The following TNK1 variants were observed in gnomAD, a reference collection of about 807,000 sequenced individuals.
The protein encoded by TNK1 is tyrosine kinase non receptor 1.
In TNK1, 53 loss-of-function variants were observed where a neutral mutation model predicts 65.2. The ratio of observed to expected loss-of-function variants is 0.81; its 90% CI spans 0.65 to 1.02. The LOEUF is 1.02. TNK1 is among the 50% of genes least tolerant of loss of function. The pLI is 0.00. For synonymous variants in TNK1, 353 were observed against 364.6 expected (o/e 0.97, Z 0.36); for missense variants, 837 against 878.4 (o/e 0.95, Z 0.60).
At chr17:7,384,430 TG>T (rs1164348912) in intron 6 of TNK1, 53 bp from the exon 7 acceptor site, 35 of 1,464,254 alleles carry the variant, frequency 2.4e-5, no homozygotes, top group Non-Finnish European at 3.0e-5. Context: ...CCGTGGAGGG[TG>T]GGCCTCCAAG....
chr17:7,382,919 C>T lies in TNK1; in HGVS notation c.-8C>T. 1 of 1,613,728 alleles carries T rather than the reference C, an allele frequency of 6.2e-7. No individual in the cohort carries two copies. The highest frequency in any genetic ancestry group is 8.5e-7 in the Non-Finnish European group (1 of 1,179,706). ...GTGCCATCATCCTTAGGAACTCCTTCTCCAGACATGCTTCCTGAGGCTGGC... is the reference window on the plus strand; with the variant it reads ...GTGCCATCATCCTTAGGAACTCCTTTTCCAGACATGCTTCCTGAGGCTGGC... On this transcript the variant is annotated 5_prime_UTR_variant, in exon 2 of 13. Transcript: ENST00000688331. This position sits in a 1 kb window ranked among gnomAD's most constrained non-coding sequence, Gnocchi z 4.1.
rs1281027586 is a variant in TNK1 at position 7,388,286 on chromosome 17, G to A, written c.1478-120G>A. The A allele has an allele frequency of 1.3e-5, 13 of 1,036,484 alleles. No individual in the cohort carries two copies. The highest frequency in any genetic ancestry group is 3.3e-5 in the South Asian group (2 of 60,586). 64.2% of individuals were successfully genotyped at this position (1,036,484 alleles called of 1,614,324 possible). ...ACAAAAATACAAAAATTAGCCAGTC[G>A]TAATGGCAGGCACCTATAGTCCCAG... On this transcript the variant is annotated intron_variant, in intron 10 of 12. Transcript: ENST00000688331. The surrounding 1 kb of genome is among the most constrained non-coding windows in gnomAD (Gnocchi z 4.5).
In TNK1 at chr17:7,388,795, T is replaced by A. The variant is rs1174289223; in HGVS notation, c.1784T>A (p.Leu595Gln). The A allele has an allele frequency of 3.1e-6, 5 of 1,606,702 alleles. No individual in the cohort carries two copies. In the South Asian group the frequency reaches 4.5e-5, roughly 14 times the overall value. ...ELQRKIMEVELSVHGVTHQEC... is the reference protein window; with the variant it reads ...ELQRKIMEVEQSVHGVTHQEC... Reference sequence around the variant, plus strand: ...AGGCTTTGTCTGTCACAGGTGGAGCTGAGTGTGCATGGGGTCACCCACCAG... The same window carrying A: ...AGGCTTTGTCTGTCACAGGTGGAGCAGAGTGTGCATGGGGTCACCCACCAG... Residue 595 changes from leucine to glutamine, a missense_variant, in exon 12 of 13, where the codon CTG (leucine) becomes CAG (glutamine). Coordinates refer to ENST00000688331, the MANE Select transcript of TNK1 (RefSeq NM_003985.6). This position sits in a 1 kb window ranked among gnomAD's most constrained non-coding sequence, Gnocchi z 4.5.
rs56093628 is a variant in TNK1 at position 7,388,550 on chromosome 17, C to G, written c.1622C>G (p.Ser541Cys). 1.3e-3 allele frequency: 2,075 copies of G among 1,613,994 alleles called. 25 individuals are homozygous for G. In the African/African-American group the frequency reaches 0.023, roughly 18 times the overall value. ...CCACGCCCACCTTTATCCTCTAGCT[C>G]TCCTCAGCCCAGCCAGCCCTCTAGG... ...LPPRPPLSSS[S>C]PQPSQPSRER... The change falls in exon 11 of 13, where the codon TCT becomes TGT. Residue 541 changes from serine to cysteine, a missense_variant. Ser to Cys is a moderately radical substitution (Grantham distance 112). Transcript: ENST00000688331. The surrounding 1 kb of genome is among the most constrained non-coding windows in gnomAD (Gnocchi z 4.5).
Position 7,388,251 on chromosome 17 carries a change from C to G in TNK1, c.1478-155C>G, listed in dbSNP as rs1905305353. On this transcript the variant is annotated intron_variant, in intron 10 of 12. Coordinates refer to ENST00000688331, the MANE Select transcript of TNK1 (RefSeq NM_003985.6). The surrounding 1 kb of genome is among the most constrained non-coding windows in gnomAD (Gnocchi z 4.5). ...GACCAGCCTGGGCAATGTGCCGAAA[C>G]CCCTTCTCTACAAAAATACAAAAAT... Among the ~76,000 whole-genome samples, 1 of 152,188 alleles carries G rather than the reference C, an allele frequency of 6.6e-6. No homozygotes were observed. The highest frequency in any genetic ancestry group is 2.4e-5 in the African/African-American group (1 of 41,446).
At chr17:7,383,887 TC>T in intron 5 of TNK1, 23 bp downstream of exon 5, 5 of 1,597,782 alleles carry the variant, frequency 3.1e-6, no homozygotes, top group Non-Finnish European at 4.3e-6. Context: ...AGCCGCTGGT[TC>T]CCGGGACAGC....
Position 7,389,125 on chromosome 17 carries a change from A to G in TNK1, c.*41A>G. ...GCACAGACACCAGCATGAAAAGCCT[A>G]GGCCCCTGAGGGCCTGGCCACATGG... is the stretch of plus-strand genomic sequence containing the variant. On this transcript the variant is annotated 3_prime_UTR_variant, in exon 13 of 13. Transcript: ENST00000688331. The G allele has an allele frequency of 6.7e-7, 1 of 1,491,022 alleles. No homozygotes were observed. Among genetic ancestry groups the G allele is most frequent in the South Asian group, 1.2e-5 (1 of 82,924 alleles). The allele number at this position is 1,491,022 out of a possible 1,614,324, so 92.4% of individuals were successfully genotyped here.
chr17:7,388,318 G>A lies in TNK1; in HGVS notation c.1478-88G>A, dbSNP rs895618257. The A allele has an allele frequency of 1.8e-5, 25 of 1,371,142 alleles. No homozygotes were observed. The highest frequency in any genetic ancestry group is 1.9e-4 in the Middle Eastern group (1 of 5,336). 84.9% of individuals were successfully genotyped at this position (1,371,142 alleles called of 1,614,324 possible). A position where few individuals can be genotyped will look rare whatever the true frequency, so the allele number is the denominator to read the frequency against. ...CAGGCACCTATAGTCCCAGCTACTC[G>A]GGAGGCTGAGGTGGGAGGATCGCTT... On this transcript the variant is annotated intron_variant, in intron 10 of 12. Transcript: ENST00000688331. The surrounding 1 kb of genome is among the most constrained non-coding windows in gnomAD (Gnocchi z 4.5).
rs1904878902 is a variant in TNK1 at position 7,382,556 on chromosome 17, G to T, written c.-91-280G>T. On this transcript the variant is annotated intron_variant, in intron 1 of 12. Transcript: ENST00000688331. The surrounding 1 kb of genome is among the most constrained non-coding windows in gnomAD (Gnocchi z 4.1). ...TGAGTTTGTGCCACTGCGTAGCTCAGGTCTAAAAGGGCAGTGTTTCTGGGT... is the reference window on the plus strand; with the variant it reads ...TGAGTTTGTGCCACTGCGTAGCTCATGTCTAAAAGGGCAGTGTTTCTGGGT... Among the ~76,000 whole-genome samples, 2 of 152,162 alleles carry T rather than the reference G, an allele frequency of 1.3e-5. No individual in the cohort carries two copies. Among genetic ancestry groups the T allele is most frequent in the Admixed American group, 1.3e-4 (2 of 15,272 alleles).
chr17:7,386,608 C>T lies in TNK1; in HGVS notation c.1185C>T (p.Gly395=), dbSNP rs78397675. ...ACCVRDVTEP[G]ALRMETGDPI... ...GTGTGAGGGATGTCACAGAACCAGG[C>T]GCCCTGAGGATGGAGACTGGTGACC... The change falls in exon 8 of 13, where the codon GGC becomes GGT. Residue 395 remains glycine (G), a synonymous_variant. Coordinates refer to ENST00000688331, the MANE Select transcript of TNK1 (RefSeq NM_003985.6). 8.3e-4 allele frequency: 1,324 copies of T among 1,604,072 alleles called. 13 individuals are homozygous for T. In the African/African-American group the frequency reaches 0.016, roughly 19 times the overall value.
At position 7,388,610 on chromosome 17, in the gene TNK1, A is replaced by T; in HGVS notation, c.1682A>T (p.His561Leu). 2.5e-6 allele frequency: 4 copies of T among 1,613,838 alleles called. No individual in the cohort carries two copies. Among genetic ancestry groups the T allele is most frequent in the Non-Finnish European group, 3.4e-6 (4 of 1,179,844 alleles). The change falls in exon 11 of 13, where the codon CAC becomes CTC. Residue 561 changes from histidine to leucine, a missense_variant. His to Leu is a moderately conservative substitution (Grantham distance 99). Transcript: ENST00000688331. This position sits in a 1 kb window ranked among gnomAD's most constrained non-coding sequence, Gnocchi z 4.5. ...RLPWPKRKPP[H>L]NHPMGMPGAR... is the part of the protein sequence containing the mutation. ...CCCTGGCCCAAAAGAAAACCCCCACACAATCACCCCATGGGAATGCCTGGA... is the reference window on the plus strand; with the variant it reads ...CCCTGGCCCAAAAGAAAACCCCCACTCAATCACCCCATGGGAATGCCTGGA...
chr17:7,384,748 G>C lies in TNK1; in HGVS notation c.1131G>C (p.Leu377=), dbSNP rs1029924690. ...GCTTTTCCCACCTGGAGGGGCTGCT[G>C]CAAGAGGTGGGAACCCCCGACCTCA... ...RPSFSHLEGL[L]QEAGPSEACC... The change falls in exon 7 of 13, where the codon CTG becomes CTC. Residue 377 remains leucine (L), a synonymous_variant. Coordinates refer to ENST00000688331, the MANE Select transcript of TNK1 (RefSeq NM_003985.6). 1.3e-6 allele frequency: 2 copies of C among 1,574,392 alleles called. No individual in the cohort carries two copies. Among genetic ancestry groups the C allele is most frequent in the Non-Finnish European group, 1.7e-6 (2 of 1,166,248 alleles).
In TNK1 at chr17:7,388,590, GCCCAA is replaced by G. The variant is rs1224491393; in HGVS notation, c.1663_1667del (p.Pro555LysfsTer16). The G allele has an allele frequency of 1.2e-6, 2 of 1,613,810 alleles. No homozygotes were observed. Among genetic ancestry groups the G allele is most frequent in the African/African-American group, 2.7e-5 (2 of 74,898 alleles). ...AGCCCTCTAGGGAGAGGCTTCCCTG[GCCCAA>G]AAGAAAACCCCCACACAATCACCCC... is the stretch of plus-strand genomic sequence containing the variant. On this transcript the variant is annotated frameshift_variant, in exon 11 of 13. Transcript: ENST00000688331. LOFTEE classifies it high-confidence loss of function. The surrounding 1 kb of genome is among the most constrained non-coding windows in gnomAD (Gnocchi z 4.5).
Position 7,383,513 on chromosome 17 carries a change from A to G in TNK1, c.323A>G (p.Lys108Arg). The G allele has an allele frequency of 1.9e-6, 3 of 1,613,844 alleles. No homozygotes were observed. Among genetic ancestry groups the G allele is most frequent in the Non-Finnish European group, 2.5e-6 (3 of 1,179,892 alleles). ...RHLPEPEGGLKCLIPEGAVCR... is the reference protein window; with the variant it reads ...RHLPEPEGGLRCLIPEGAVCR... The stretch of plus-strand genomic sequence containing the variant: ...CTCCCTGAGCCAGAGGGGGGCCTCA[A>G]GTGTCTGATCCCAGAGGGTGCTGTT... Residue 108 changes from lysine to arginine, a missense_variant, in exon 4 of 13, where the codon AAG becomes AGG. Coordinates refer to ENST00000688331, the MANE Select transcript of TNK1 (RefSeq NM_003985.6).
At position 7,387,776 on chromosome 17, in the gene TNK1, G is replaced by A. The variant is rs762390467; in HGVS notation, c.1477+319G>A. ...TGTGCCACCACACCCGGCTAATTTT[G>A]TATTTTTAGTAGAGATGAGGTTTCA... On this transcript the variant is annotated intron_variant, in intron 10 of 12. Coordinates refer to ENST00000688331, the MANE Select transcript of TNK1 (RefSeq NM_003985.6). 7.8e-4 allele frequency among the ~76,000 whole-genome samples: 118 copies of A among 152,132 alleles called. No homozygotes were observed. The Middle Eastern group carries it at 0.024, about 31-fold the overall frequency.
At position 7,384,534 on chromosome 17, in the gene TNK1, T is replaced by C; in HGVS notation, c.917T>C (p.Val306Ala). 6.2e-7 allele frequency: 1 copy of C among 1,603,452 alleles called. No homozygotes were observed. The highest frequency in any genetic ancestry group is 8.5e-7 in the Non-Finnish European group (1 of 1,173,132). Residue 306 changes from valine (V) to alanine (A), a missense_variant, in exon 7 of 13, where the codon GTG becomes GCG. Physicochemically the swap from Val to Ala is moderately conservative, Grantham distance 64. Coordinates refer to ENST00000688331, the MANE Select transcript of TNK1 (RefSeq NM_003985.6). ...RHGAFSSASD[V>A]WMFGVTLWEM... ...GGAGCCTTCTCGTCTGCCTCGGACG[T>C]GTGGATGTTTGGGGTGACGCTGTGG...
chr17:7,388,650 TG>T lies in TNK1; in HGVS notation c.1723del (p.Ala575ProfsTer21), dbSNP rs1316497588. On this transcript the variant is annotated frameshift_variant, in exon 11 of 13. Coordinates refer to ENST00000688331, the MANE Select transcript of TNK1 (RefSeq NM_003985.6). LOFTEE classifies it high-confidence loss of function. This position sits in a 1 kb window ranked among gnomAD's most constrained non-coding sequence, Gnocchi z 4.5. ...MGMPGARKAA[A>X]LSGGLLSDPE... ...GAATGCCTGGAGCCCGTAAAGCCGC[TG>T]CCCTCTCTGGAGGCCTCTTGTCCGA... 1 of 1,613,848 alleles carries T rather than the reference TG, an allele frequency of 6.2e-7. No individual in the cohort carries two copies. Among genetic ancestry groups the T allele is most frequent in the Non-Finnish European group, 8.5e-7 (1 of 1,179,882 alleles).
chr17:7,387,349 G>A, intron 9 of TNK1, 29 bp from the exon 10 acceptor site: 1 of 1,585,736 alleles, frequency 6.3e-7, no homozygotes, highest in Non-Finnish European at 8.6e-7. Context: ...GAGTTGGTGT[G>A]GAGGATGAAC....
rs1345705836 is a variant in TNK1, at chr17:7,388,900, C to T, written c.1872+17C>T. ...AACCTCAAGGTAAAGCCAGCCCCTT[C>T]TCTTGGGGTCCCTCCTCTCCTGCCC... On this transcript the variant is annotated intron_variant, in intron 12 of 12. Coordinates refer to ENST00000688331, the MANE Select transcript of TNK1 (RefSeq NM_003985.6). The surrounding 1 kb of genome is among the most constrained non-coding windows in gnomAD (Gnocchi z 4.5). 2 of 1,575,248 alleles carry T rather than the reference C, an allele frequency of 1.3e-6. No homozygotes were observed. Among genetic ancestry groups the T allele is most frequent in the Non-Finnish European group, 1.7e-6 (2 of 1,160,244 alleles).
Sources: allele counts gnomAD v4.1 joint callset (sites outside exome capture counted in the v4.1 genomes callset), GRCh38; gene constraint gnomAD v4.1.1; non-coding constraint Gnocchi (gnomAD v3.1); transcripts MANE v1.5; gene names NCBI Gene and HGNC (gene_info 2026-07-23, HGNC 2026-07-21).